Variants in SEC24B observed in about 807,000 individuals in gnomAD.
SEC24B encodes SEC24 homolog B, COPII component.
A neutral mutation model predicts 142.8 loss-of-function variants in SEC24B; 45 were observed. That is an observed-to-expected ratio of 0.32 (90% CI 0.25 to 0.40). SEC24B has a LOEUF of 0.40. Among genes scored for constraint, SEC24B ranks in the 10% least tolerant of loss-of-function variants. The pLI, the probability that SEC24B is intolerant of heterozygous loss-of-function variation, is 1.00. For missense variants in SEC24B, 1,409 were observed against 1,526.8 expected (o/e 0.92, Z 1.29); for synonymous variants, 574 against 568.2 (o/e 1.01, Z -0.15).
chr4:109,503,829 A>ATTTTG (rs1736422207), intron 6 of SEC24B, among the ~76,000 whole-genome samples: 3 of 151,900 alleles, frequency 2.0e-5, no homozygotes, highest in South Asian at 4.2e-4. Flanking sequence ...AATGTAAATA[A>ATTTTG]GTCTCATTCT....
chr4:109,512,898 A>G (rs1197587477), intron 9 of SEC24B, among the ~76,000 whole-genome samples: 1 of 151,068 alleles, frequency 6.6e-6, no homozygotes, highest in Non-Finnish European at 1.5e-5. Context: ...CTGGGCTCAA[A>G]TGATCCATCC....
rs776761076 is a variant in SEC24B at position 109,521,081 on chromosome 4, T to A, written c.2246-36T>A. 8.3e-5 allele frequency: 106 copies of A among 1,283,358 alleles called. No homozygotes were observed. The South Asian group carries it at 1.3e-3, about 15-fold the overall frequency. 79.5% of individuals were successfully genotyped at this position (1,283,358 alleles called of 1,614,324 possible). Reference sequence around the variant, plus strand: ...AAGATTTTCTAATGTATTCTTTTGTTCGATTTGTTGATTAAAATATGTGTT... The same window carrying A: ...AAGATTTTCTAATGTATTCTTTTGTACGATTTGTTGATTAAAATATGTGTT... On this transcript the variant is annotated intron_variant, in intron 12 of 23. Transcript: ENST00000265175.
intron 3 of SEC24B, 94 bp downstream of exon 3, chr4:109,473,280 CACA>C: frequency 1.2e-6 from 1 of 809,538 alleles, no homozygotes; most frequent in Non-Finnish European, 1.8e-6. Context: ...TCAATCCAAA[CACA>C]ACTTTTGGAA....
intron 4 of SEC24B, among the ~76,000 whole-genome samples, chr4:109,489,959 A>G (rs1459926939): frequency 6.6e-6 from 1 of 151,930 alleles, no homozygotes; most frequent in East Asian, 1.9e-4. Flanking sequence ...TTAAGAGGAA[A>G]AATATATGTG....
intron 7 of SEC24B, among the ~76,000 whole-genome samples, chr4:109,508,517 A>G (rs1054592082): frequency 1.3e-5 from 2 of 152,134 alleles, no homozygotes; most frequent in Admixed American, 1.3e-4. Flanking sequence ...TGGCGATCCA[A>G]GATCATAACA....
chr4:109,434,346 A>T (rs889380063), intron 1 of SEC24B, among the ~76,000 whole-genome samples: 5 of 152,098 alleles, frequency 3.3e-5, no homozygotes, highest in African/African-American at 7.2e-5. Flanking sequence ...CACGTAGTAA[A>T]ACCCAGTTAC....
chr4:109,481,243 G>A (rs1186236142), intron 3 of SEC24B, among the ~76,000 whole-genome samples: 2 of 152,130 alleles, frequency 1.3e-5, no homozygotes, highest in Admixed American at 1.3e-4. Flanking sequence ...CAGAAGGAAG[G>A]GGTACCACGT....
intron 5 of SEC24B, among the ~76,000 whole-genome samples, chr4:109,492,024 T>G (rs1456820944): frequency 6.6e-6 from 1 of 152,138 alleles, no homozygotes; most frequent in African/African-American, 2.4e-5. Context: ...CTGATCTCTC[T>G]CTCTCTTTTC....
At chr4:109,500,747 G>A (rs567607370) in intron 6 of SEC24B, among the ~76,000 whole-genome samples, 6 of 151,950 alleles carry the variant, frequency 3.9e-5, no homozygotes, top group Admixed American at 3.3e-4. Context: ...TCCACCTCCC[G>A]GGCTCAAGCA....
chr4:109,458,016 G>A (rs1271500041), intron 1 of SEC24B, among the ~76,000 whole-genome samples: 2 of 152,204 alleles, frequency 1.3e-5, no homozygotes, highest in Middle Eastern at 3.4e-3. Context: ...CCCACTACAT[G>A]CTTTACTGAT....
intron 21 of SEC24B, 81 bp from the exon 22 acceptor site, chr4:109,533,512 T>C (rs1318093096): frequency 1.2e-6 from 1 of 855,492 alleles, no homozygotes; most frequent in Non-Finnish European, 2.0e-6. Flanking sequence ...CTACCTTATT[T>C]GAGGTGATAA....
At chr4:109,470,192 A>G (rs538530713) in intron 2 of SEC24B, among the ~76,000 whole-genome samples, 1 of 152,318 alleles carries the variant, frequency 6.6e-6, no homozygotes, top group South Asian at 2.1e-4. Flanking sequence ...ATTTGGCATT[A>G]GTAGATTGAA....
At chr4:109,490,702 A>G (rs1267625947) in intron 4 of SEC24B, among the ~76,000 whole-genome samples, 1 of 152,136 alleles carries the variant, frequency 6.6e-6, no homozygotes, top group Non-Finnish European at 1.5e-5. Context: ...ATGAGCACAC[A>G]TAATGAAAAT....
chr4:109,503,122 C>T (rs1216481087), intron 6 of SEC24B, among the ~76,000 whole-genome samples: 3 of 148,628 alleles, frequency 2.0e-5, no homozygotes, highest in African/African-American at 7.5e-5. Flanking sequence ...TGCAGTGGTG[C>T]GATCTTGGCT....
intron 2 of SEC24B, among the ~76,000 whole-genome samples, chr4:109,470,211 C>T (rs551800982): frequency 6.6e-6 from 1 of 152,326 alleles, no homozygotes; most frequent in African/African-American, 2.4e-5. Flanking sequence ...AAAATAACCA[C>T]ATCCCACAAC....
At chr4:109,528,724 A>C (rs192644931) in intron 18 of SEC24B, among the ~76,000 whole-genome samples, 1 of 151,530 alleles carries the variant, frequency 6.6e-6, no homozygotes, top group East Asian at 1.9e-4. Context: ...AAATGTTTTC[A>C]ATGAATTTGC....
At chr4:109,483,321 C>T (rs1330251912) in intron 4 of SEC24B, among the ~76,000 whole-genome samples, 1 of 151,654 alleles carries the variant, frequency 6.6e-6, no homozygotes, top group Non-Finnish European at 1.5e-5. Context: ...CCTCATGATC[C>T]GCCTGCCTTG....
intron 6 of SEC24B, among the ~76,000 whole-genome samples, chr4:109,501,139 A>G (rs568144341): frequency 1.3e-5 from 2 of 152,158 alleles, no homozygotes; most frequent in Non-Finnish European, 2.9e-5. Flanking sequence ...ACCATTTTGT[A>G]TCTTTTATAC....
chr4:109,463,225 C>T lies in SEC24B; in HGVS notation c.458C>T (p.Ser153Phe), dbSNP rs746946726. 7.2e-5 allele frequency: 117 copies of T among 1,614,082 alleles called. No individual in the cohort carries two copies. The East Asian group carries it at 2.6e-3, about 36-fold the overall frequency. The stretch of plus-strand genomic sequence containing the variant: ...CATACGAGTGCCTCCCAACCATACT[C>T]CTCTTTTGTGAATCACTACAATAGT... Reference protein sequence around the residue: ...HLHTSASQPYSSFVNHYNSPA... With the variant: ...HLHTSASQPYFSFVNHYNSPA... The change falls in exon 2 of 24, where the codon TCC (serine) becomes TTC (phenylalanine). Residue 153 changes from serine to phenylalanine, a missense_variant. Physicochemically the swap from Ser to Phe is radical, Grantham distance 155. Coordinates refer to ENST00000265175, the MANE Select transcript of SEC24B (RefSeq NM_006323.5).
Sources: allele counts gnomAD v4.1 joint callset (sites outside exome capture counted in the v4.1 genomes callset), GRCh38; gene constraint gnomAD v4.1.1; transcripts MANE v1.5; gene names NCBI Gene and HGNC (gene_info 2026-07-23, HGNC 2026-07-21).